The following EYA1 variants were observed in gnomAD, a reference collection of about 807,000 sequenced individuals.
The protein encoded by EYA1 is EYA transcriptional coactivator and phosphatase 1.
In EYA1, 16 loss-of-function variants were observed where a neutral mutation model predicts 82.0. The observed-to-expected ratio is 0.20, with a 90% confidence interval of 0.13 to 0.30. The LOEUF (loss-of-function observed/expected upper bound fraction) is 0.30, where lower values mean the gene tolerates loss of function less well. Among genes scored for constraint, EYA1 ranks in the 10% least tolerant of loss-of-function variants. The probability of loss-of-function intolerance (pLI) is 1.00; values close to 1 mark genes in which losing one functional copy is unlikely to be tolerated. For missense variants in EYA1, 633 were observed against 730.7 expected (o/e 0.87, Z 1.54); for synonymous variants, 261 against 264.4 (o/e 0.99, Z 0.12).
chr8:71,480,698 G>A (rs1327867937), intron 2 of EYA1, among the ~76,000 whole-genome samples: 1 of 151,092 alleles, frequency 6.6e-6, no homozygotes, highest in Non-Finnish European at 1.5e-5. Context: ...TAGCACCAAA[G>A]AATCGAAACA....
intron 6 of EYA1, among the ~76,000 whole-genome samples, chr8:71,321,527 A>G (rs1427045162): frequency 1.3e-5 from 2 of 152,224 alleles, no homozygotes; most frequent in African/African-American, 4.8e-5. Flanking sequence ...TACGAACCAC[A>G]TAATCTTTTC....
intron 2 of EYA1, among the ~76,000 whole-genome samples, chr8:71,492,782 A>G (rs1811118562): frequency 6.6e-6 from 1 of 151,802 alleles, no homozygotes; most frequent in Non-Finnish European, 1.5e-5. Flanking sequence ...TTAACTTTTA[A>G]GTTCAGGGTA....
intron 4 of EYA1, among the ~76,000 whole-genome samples, chr8:71,333,404 T>TA (rs72417332): frequency 3.9e-5 from 6 of 151,966 alleles, no homozygotes; most frequent in African/African-American, 4.8e-5. Flanking sequence ...CAGGCAATAT[T>TA]AAAAAAAAGT....
At chr8:71,274,991 T>G (rs1285948525) in intron 9 of EYA1, among the ~76,000 whole-genome samples, 1 of 148,042 alleles carries the variant, frequency 6.8e-6, no homozygotes, top group African/African-American at 2.6e-5. Context: ...CATGTCACAT[T>G]TAAGAAATGA....
chr8:71,215,301 G>GA, intron 16 of EYA1, 86 bp downstream of exon 16: 1 of 1,349,816 alleles, frequency 7.4e-7, no homozygotes, highest in Admixed American at 1.8e-5. Flanking sequence ...TAGCATTCTG[G>GA]AAAAAAAGTT....
chr8:71,217,110 T>A, intron 12 of EYA1, 87 bp from the exon 13 acceptor site: 3 of 972,888 alleles, frequency 3.1e-6, no homozygotes, highest in South Asian at 2.7e-5. Context: ...ACATATTTTT[T>A]AAAGCACCTT....
At chr8:71,447,532 T>C (rs1806988731) in intron 2 of EYA1, among the ~76,000 whole-genome samples, 1 of 152,210 alleles carries the variant, frequency 6.6e-6, no homozygotes, top group Non-Finnish European at 1.5e-5. Context: ...ATATTTATTT[T>C]AAAATTTCTA....
intron 9 of EYA1, among the ~76,000 whole-genome samples, chr8:71,283,288 G>A (rs1436028104): frequency 6.6e-6 from 1 of 152,070 alleles, no homozygotes; most frequent in South Asian, 2.1e-4. Flanking sequence ...CCTTCCTGAA[G>A]GCCTCTGCTC....
intron 1 of EYA1, among the ~76,000 whole-genome samples, chr8:71,536,134 C>T (rs563448977): frequency 1.1e-3 from 175 of 152,246 alleles, no homozygotes; most frequent in African/African-American, 3.8e-3. Flanking sequence ...AAGATCCTTC[C>T]GCACACATTA....
At chr8:71,298,510 A>C (rs1044054832) in intron 9 of EYA1, among the ~76,000 whole-genome samples, 2 of 152,190 alleles carry the variant, frequency 1.3e-5, no homozygotes, top group Non-Finnish European at 2.9e-5. Flanking sequence ...CTGGCATTTG[A>C]AAGAGACCAG....
chr8:71,404,848 G>C (rs1341788809), intron 2 of EYA1: 1 of 152,674 alleles, frequency 6.5e-6, no homozygotes, highest in African/African-American at 2.5e-5. Context: ...AACCCGGGAG[G>C]CGGAGCTTGC....
chr8:71,408,113 A>G (rs1830372739), intron 2 of EYA1, among the ~76,000 whole-genome samples: 1 of 152,130 alleles, frequency 6.6e-6, no homozygotes, highest in Non-Finnish European at 1.5e-5. Context: ...TTTCATATCC[A>G]GCCAAACTAA....
chr8:71,261,911 A>G (rs918634034), intron 11 of EYA1, among the ~76,000 whole-genome samples: 25 of 152,116 alleles, frequency 1.6e-4, no homozygotes, highest in African/African-American at 6.0e-4. Context: ...ATTATTTTCT[A>G]CCAGAGGACT....
At chr8:71,245,656 T>G (rs184204083) in intron 11 of EYA1, among the ~76,000 whole-genome samples, 2 of 152,252 alleles carry the variant, frequency 1.3e-5, no homozygotes, top group Admixed American at 1.3e-4. Flanking sequence ...AGCCCTGCAC[T>G]ATAGGTTAAT....
intron 3 of EYA1, among the ~76,000 whole-genome samples, chr8:71,349,188 A>C (rs1826057584): frequency 6.6e-6 from 1 of 152,148 alleles, no homozygotes; most frequent in African/African-American, 2.4e-5. Flanking sequence ...ACTCTCACAC[A>C]CTCACGCACA....
At chr8:71,528,455 A>C (rs774860794) in intron 2 of EYA1, among the ~76,000 whole-genome samples, 6 of 152,204 alleles carry the variant, frequency 3.9e-5, no homozygotes, top group Non-Finnish European at 8.8e-5. Context: ...CCTGGTGCCC[A>C]ATGTGAACTT....
intron 2 of EYA1, among the ~76,000 whole-genome samples, chr8:71,477,620 G>A (rs901793613): frequency 4.3e-4 from 66 of 152,056 alleles, no homozygotes; most frequent in African/African-American, 1.6e-3. Context: ...ATGTATTGCA[G>A]TGGGGGATGT....
chr8:71,377,363 T>C lies in EYA1; in HGVS notation c.34-20852A>G, dbSNP rs184571266. ...AGAAATTGGGAGAGACCCCAAGCAA[T>C]ACCAGCAGAAGGGCCATCCATCTGG... On this transcript the variant is annotated intron_variant, in intron 2 of 18. Coordinates refer to the EYA1 transcript ENST00000643681. 4.6e-5 allele frequency among the ~76,000 whole-genome samples: 7 copies of C among 152,184 alleles called. No homozygotes were observed. In the East Asian group the frequency reaches 1.2e-3, roughly 25 times the overall value.
intron 2 of EYA1, among the ~76,000 whole-genome samples, chr8:71,509,521 A>T (rs1812442267): frequency 6.6e-6 from 1 of 152,164 alleles, no homozygotes; most frequent in African/African-American, 2.4e-5. Flanking sequence ...TCTAGAAGGG[A>T]ATTTGGAATC....
Sources: allele counts gnomAD v4.1 joint callset (sites outside exome capture counted in the v4.1 genomes callset), GRCh38; gene constraint gnomAD v4.1.1; transcripts MANE v1.5; gene names NCBI Gene and HGNC (gene_info 2026-07-23, HGNC 2026-07-21).